Variants in NUDT21 observed in about 807,000 individuals in gnomAD.
NUDT21 encodes nudix hydrolase 21.
In NUDT21, 5 loss-of-function variants were observed where a neutral mutation model predicts 29.8. The observed-to-expected ratio is 0.17, with a 90% CI of 0.09 to 0.35. The LOEUF is 0.35. Ranked by LOEUF, NUDT21 falls within the 10% of genes least tolerant of loss-of-function variation. The pLI is 1.00. For missense variants in NUDT21, 76 were observed against 276.0 expected, an observed-to-expected ratio of 0.28 and a Z score of 5.13; for synonymous variants, 113 against 98.5, an observed-to-expected ratio of 1.15 and a Z score of -0.87.
intron 1 of NUDT21, chr16:56,449,302 T>C (rs1962251910): frequency 6.6e-6 from 1 of 152,208 alleles, no homozygotes; most frequent in African/African-American, 2.4e-5. Context: ...AGCCCAGACA[T>C]ACATATTGTT....
intron 4 of NUDT21, 91 bp downstream of exon 4, chr16:56,439,566 G>A: frequency 2.3e-6 from 2 of 872,992 alleles, no homozygotes; most frequent in South Asian, 1.4e-5. Flanking sequence ...AAAATTTCAA[G>A]TCAAATTCTA....
At chr16:56,434,653 C>A in intron 5 of NUDT21, 101 bp downstream of exon 5, 1 of 904,842 alleles carries the variant, frequency 1.1e-6, no homozygotes, top group East Asian at 2.4e-5. Flanking sequence ...TTACAACAAA[C>A]CCAAAAGTTC....
intron 3 of NUDT21, among the ~76,000 whole-genome samples, chr16:56,440,223 G>C (rs982723959): frequency 1.3e-5 from 2 of 152,084 alleles, no homozygotes; most frequent in Admixed American, 6.5e-5. Context: ...TTTTAGGATA[G>C]TTTTAGATTT....
intron 3 of NUDT21, among the ~76,000 whole-genome samples, chr16:56,441,666 A>C (rs79197115): frequency 1.5e-4 from 23 of 152,354 alleles, no homozygotes; most frequent in Non-Finnish European, 2.6e-4. Flanking sequence ...TATTTGGTTA[A>C]GTCAATATTC....
rs1053171958 is a variant in NUDT21 at position 56,444,763 on chromosome 16, T to A, written c.381+1863A>T. 3.9e-5 allele frequency among the ~76,000 whole-genome samples: 6 copies of A among 152,174 alleles called. No individual in the cohort carries two copies. The East Asian group carries it at 1.2e-3, about 29-fold the overall frequency. On this transcript the variant is annotated intron_variant, in intron 3 of 6. Coordinates refer to ENST00000300291, the MANE Select transcript of NUDT21 (RefSeq NM_007006.3). ...GCTAGTTGTTCTCTGATTCAATTAC[T>A]ACAGAGAATCATCAGCCAGTCTTTG...
At chr16:56,438,287 G>A (rs1962126148) in intron 4 of NUDT21, among the ~76,000 whole-genome samples, 1 of 152,192 alleles carries the variant, frequency 6.6e-6, no homozygotes, top group Non-Finnish European at 1.5e-5. Context: ...GGATCACACA[G>A]CCTTGGGTAA....
At chr16:56,434,949 C>T in intron 4 of NUDT21, 120 bp from the exon 5 acceptor site, 1 of 622,306 alleles carries the variant, frequency 1.6e-6, no homozygotes, top group Non-Finnish European at 2.8e-6. Context: ...TCCTCTTTAC[C>T]AGGACTTATC....
chr16:56,451,277 A>G lies in NUDT21; in HGVS notation c.-75T>C, dbSNP rs1596960151. ...GACTTTCCCCGTGCGGGAAGCGGTT[A>G]TCTGCAATCCCCTCAGCGGCTACTG... On this transcript the variant is annotated 5_prime_UTR_variant, in exon 1 of 7. Transcript: ENST00000300291. 9 of 1,153,144 alleles carry G rather than the reference A, an allele frequency of 7.8e-6. No individual in the cohort carries two copies. In the South Asian group the frequency reaches 1.2e-4, roughly 16 times the overall value. The allele number at this position is 1,153,144 out of a possible 1,614,324, so 71.4% of individuals were successfully genotyped here.
At chr16:56,441,017 G>T in intron 3 of NUDT21, among the ~76,000 whole-genome samples, 1 of 152,136 alleles carries the variant, frequency 6.6e-6, no homozygotes. Context: ...TGGGCTTACA[G>T]GCATGAGCCA....
chr16:56,451,219 G>C lies in NUDT21; in HGVS notation c.-17C>G. ...CACAGACATGCTGGCGAGCTCCGGC[G>C]CTGACGGCGAGCAGAAAGTGGCAGG... On this transcript the variant is annotated 5_prime_UTR_variant, in exon 1 of 7. Transcript: ENST00000300291. 1 of 1,572,950 alleles carries C rather than the reference G, an allele frequency of 6.4e-7. No individual in the cohort carries two copies. Among genetic ancestry groups the C allele is most frequent in the Non-Finnish European group, 8.7e-7 (1 of 1,155,604 alleles).
chr16:56,442,689 G>C (rs1445002962), intron 3 of NUDT21, among the ~76,000 whole-genome samples: 1 of 152,088 alleles, frequency 6.6e-6, no homozygotes, highest in African/African-American at 2.4e-5. Context: ...TGCCCTTTGA[G>C]GTTTGAGAAA....
intron 4 of NUDT21, 123 bp from the exon 5 acceptor site, chr16:56,434,952 G>A (rs905601768): frequency 2.9e-5 from 18 of 615,306 alleles, no homozygotes; most frequent in Non-Finnish European, 4.9e-5. Flanking sequence ...TCTTTACCAG[G>A]ACTTATCTAA....
chr16:56,441,211 T>G (rs541172772), intron 3 of NUDT21, among the ~76,000 whole-genome samples: 16 of 152,198 alleles, frequency 1.1e-4, no homozygotes, highest in African/African-American at 3.9e-4. Flanking sequence ...AATATTCTTT[T>G]ATGACAGTTT....
intron 3 of NUDT21, among the ~76,000 whole-genome samples, chr16:56,444,910 G>A (rs867930293): frequency 1.4e-4 from 21 of 152,172 alleles, no homozygotes; most frequent in African/African-American, 5.1e-4. Context: ...CAGGCCGGGC[G>A]TGGTGGCTCA....
chr16:56,435,395 T>A (rs1297452627), intron 4 of NUDT21, among the ~76,000 whole-genome samples: 1 of 151,800 alleles, frequency 6.6e-6, no homozygotes, highest in African/African-American at 2.4e-5. Context: ...ATTACAGGCA[T>A]CAGCCACCAT....
intron 3 of NUDT21, among the ~76,000 whole-genome samples, chr16:56,444,633 A>C (rs77847692): frequency 6.6e-6 from 1 of 151,888 alleles, no homozygotes; most frequent in South Asian, 2.1e-4. Flanking sequence ...AAAAAAAAAA[A>C]AACAAGCCTA....
At chr16:56,435,769 ATATATATATATATATGATCAG>A (rs1962096434) in intron 4 of NUDT21, among the ~76,000 whole-genome samples, 1 of 99,760 alleles carries the variant, frequency 1.0e-5, no homozygotes, top group Non-Finnish European at 2.1e-5. Context: ...ATATATATAT[ATATATATATATATATGATCAG>A]TAAGTTAAAC....
At chr16:56,444,627 A>G (rs111384662) in intron 3 of NUDT21, among the ~76,000 whole-genome samples, 1 of 151,540 alleles carries the variant, frequency 6.6e-6, no homozygotes, top group Non-Finnish European at 1.5e-5. Context: ...AAACAAAAAA[A>G]AAAAAAAACA....
chr16:56,440,518 G>A (rs1289515094), intron 3 of NUDT21, among the ~76,000 whole-genome samples: 1 of 152,034 alleles, frequency 6.6e-6, no homozygotes, highest in African/African-American at 2.4e-5. Flanking sequence ...TACCTTCCTT[G>A]TGTTTGATGA....
Sources: gnomAD v4.1 joint callset for allele counts (sites outside exome capture counted in the v4.1 genomes callset) on GRCh38, gnomAD v4.1.1 for gene constraint, MANE v1.5 for transcripts, NCBI Gene and HGNC (gene_info 2026-07-23, HGNC 2026-07-21) for gene names.